The following MLLT10 variants were observed in gnomAD, a reference collection of about 807,000 sequenced individuals.
The protein encoded by MLLT10 is protein AF-10.
A neutral mutation model predicts 129.1 loss-of-function variants in MLLT10; 30 were observed. That is an observed-to-expected ratio of 0.23 (90% confidence interval 0.17 to 0.32). MLLT10 has a LOEUF of 0.32. Among genes scored for constraint, MLLT10 ranks in the 10% least tolerant of loss-of-function variants. The pLI is 1.00. For synonymous variants in MLLT10, 490 were observed against 446.4 expected (o/e 1.10, Z -1.23); for missense variants, 1,119 against 1,268.3 (o/e 0.88, Z 1.79).
chr10:21,707,721 G>T lies in MLLT10; in HGVS notation c.1700-6051G>T, dbSNP rs1426818853. Among the ~76,000 whole-genome samples, 2 of 152,174 alleles carry T rather than the reference G, an allele frequency of 1.3e-5. 1 individual carries two copies. Among genetic ancestry groups the T allele is most frequent in the African/African-American group, 4.8e-5 (2 of 41,438 alleles). The stretch of plus-strand genomic sequence containing the variant: ...TATTTGCCTTTGGTGTCTTCCTACT[G>T]ATCTTAGCAAAAATTCAGAACACCT... On this transcript the variant is annotated intron_variant, in intron 13 of 22. Transcript: ENST00000307729.
intron 5 of MLLT10, among the ~76,000 whole-genome samples, chr10:21,599,226 C>T (rs2043291381): frequency 1.3e-5 from 2 of 151,466 alleles, no homozygotes; most frequent in African/African-American, 4.9e-5. Flanking sequence ...CCTGTAATCC[C>T]AGCTACTCGG....
At chr10:21,594,386 C>A (rs1296127065) in intron 4 of MLLT10, among the ~76,000 whole-genome samples, 5 of 151,740 alleles carry the variant, frequency 3.3e-5, no homozygotes, top group Non-Finnish European at 7.4e-5. Flanking sequence ...CCCACCCCTA[C>A]TAAAAATACA....
At chr10:21,618,936 T>TG (rs2045535524) in intron 8 of MLLT10, among the ~76,000 whole-genome samples, 1 of 152,070 alleles carries the variant, frequency 6.6e-6, no homozygotes, top group Non-Finnish European at 1.5e-5. Context: ...GGTTTCACTA[T>TG]GTTGTCCAGG....
At chr10:21,572,968 C>A (rs1222199877) in intron 3 of MLLT10, among the ~76,000 whole-genome samples, 2 of 151,918 alleles carry the variant, frequency 1.3e-5, no homozygotes, top group Non-Finnish European at 2.9e-5. Context: ...ATATTAAATA[C>A]ATTTTTTAGC....
At chr10:21,734,807 G>C (rs1012128794) in intron 20 of MLLT10, among the ~76,000 whole-genome samples, 1 of 152,130 alleles carries the variant, frequency 6.6e-6, no homozygotes, top group Non-Finnish European at 1.5e-5. Context: ...TACTTAGTGT[G>C]AGTTAAATTA....
intron 8 of MLLT10, among the ~76,000 whole-genome samples, chr10:21,642,245 C>T (rs1230355472): frequency 6.6e-6 from 1 of 152,178 alleles, no homozygotes; most frequent in Non-Finnish European, 1.5e-5. Flanking sequence ...CCCAGCTACA[C>T]TGGAGGCTGA....
chr10:21,609,434 G>C (rs7915083), intron 5 of MLLT10, among the ~76,000 whole-genome samples: 5,170 of 152,198 alleles, frequency 0.034, 305 homozygotes, highest in African/African-American at 0.12. Flanking sequence ...GCCAGTTTTT[G>C]ATCAGAGGTT....
At chr10:21,575,475 G>T (rs578022040) in intron 3 of MLLT10, among the ~76,000 whole-genome samples, 1 of 152,270 alleles carries the variant, frequency 6.6e-6, no homozygotes, top group South Asian at 2.1e-4. Flanking sequence ...GGGATTACAG[G>T]CGTGAGCCAC....
At chr10:21,621,162 T>TG (rs944829698) in intron 8 of MLLT10, among the ~76,000 whole-genome samples, 3 of 147,824 alleles carry the variant, frequency 2.0e-5, no homozygotes, top group African/African-American at 7.5e-5. Flanking sequence ...TTTTTGTATT[T>TG]TTTTTTTTTT....
At chr10:21,564,000 G>A in intron 3 of MLLT10, among the ~76,000 whole-genome samples, 1 of 152,014 alleles carries the variant, frequency 6.6e-6, no homozygotes, top group East Asian at 1.9e-4. Flanking sequence ...TTTTAGTAGA[G>A]ACGGGGTTTC....
intron 13 of MLLT10, among the ~76,000 whole-genome samples, chr10:21,684,804 C>T (rs1262836346): frequency 2.6e-5 from 4 of 152,200 alleles, no homozygotes; most frequent in South Asian, 2.1e-4. Flanking sequence ...ATTCTCCAGT[C>T]TCATCCCTTC....
intron 4 of MLLT10, among the ~76,000 whole-genome samples, chr10:21,593,317 T>C (rs921948389): frequency 1.2e-4 from 18 of 152,058 alleles, no homozygotes; most frequent in Non-Finnish European, 1.9e-4. Context: ...GGTCTTGAAC[T>C]CCTGATCTCA....
intron 13 of MLLT10, among the ~76,000 whole-genome samples, chr10:21,713,214 C>T (rs919284160): frequency 2.6e-5 from 4 of 152,224 alleles, no homozygotes; most frequent in Non-Finnish European, 5.9e-5. Context: ...GCTGGAATGT[C>T]TCTAGAATCT....
chr10:21,610,375 C>A (rs948934270), intron 5 of MLLT10, among the ~76,000 whole-genome samples: 6 of 152,160 alleles, frequency 3.9e-5, no homozygotes, highest in Non-Finnish European at 7.3e-5. Flanking sequence ...ATCTTCTTGG[C>A]CACACCATCC....
intron 3 of MLLT10, among the ~76,000 whole-genome samples, chr10:21,561,541 G>A (rs1165500396): frequency 6.6e-6 from 1 of 152,206 alleles, no homozygotes; most frequent in African/African-American, 2.4e-5. Flanking sequence ...TTACAGGCGT[G>A]AGCCACTGCA....
At chr10:21,693,685 T>G (rs1216190723) in intron 13 of MLLT10, among the ~76,000 whole-genome samples, 3 of 152,248 alleles carry the variant, frequency 2.0e-5, no homozygotes, top group Non-Finnish European at 4.4e-5. Flanking sequence ...TCTTAGCCAT[T>G]ATATTTCAAA....
intron 4 of MLLT10, among the ~76,000 whole-genome samples, chr10:21,587,423 C>CA (rs35976402): frequency 0.046 from 1,857 of 40,450 alleles, 36 homozygotes; most frequent in African/African-American, 0.057. Flanking sequence ...GACCCTGCCT[C>CA]AAAAAAAAAA....
intron 14 of MLLT10, among the ~76,000 whole-genome samples, chr10:21,716,863 G>A (rs913577296): frequency 1.3e-5 from 2 of 152,116 alleles, no homozygotes; most frequent in African/African-American, 4.8e-5. Flanking sequence ...TTATTGATTG[G>A]ATTGGTGTCA....
At chr10:21,623,039 C>G (rs758769255) in intron 8 of MLLT10, among the ~76,000 whole-genome samples, 2 of 152,194 alleles carry the variant, frequency 1.3e-5, no homozygotes, top group African/African-American at 4.8e-5. Flanking sequence ...GGAAGAGACA[C>G]ATAGGACAAG....
Sources: gnomAD v4.1 joint callset for allele counts (sites outside exome capture counted in the v4.1 genomes callset) on GRCh38, gnomAD v4.1.1 for gene constraint, MANE v1.5 for transcripts, NCBI Gene and HGNC (gene_info 2026-07-23, HGNC 2026-07-21) for gene names.